Variants in SGPP2 observed in about 807,000 individuals in gnomAD.
SGPP2 encodes the protein sphingosine-1-phosphate phosphatase 2.
SGPP2 carries 30 observed loss-of-function variants against 33.9 expected under a neutral mutation model. That is an observed-to-expected ratio of 0.89 (90% CI 0.66 to 1.20). SGPP2 has a LOEUF of 1.20. Ranked by LOEUF, SGPP2 falls within the 50% of genes most tolerant of loss-of-function variation. SGPP2 has a pLI of 0.00. For missense variants in SGPP2, 458 were observed against 532.1 expected (o/e 0.86, Z 1.37); for synonymous variants, 233 against 225.0 (o/e 1.04, Z -0.32).
At chr2:222,506,975 G>A (rs1698454540) in intron 2 of SGPP2, among the ~76,000 whole-genome samples, 1 of 152,078 alleles carries the variant, frequency 6.6e-6, no homozygotes. Context: ...AAAAAGACTT[G>A]GGCAGAGTGA....
rs1020227030 is a variant in SGPP2, at chr2:222,427,200, G to A, written c.219+2379G>A. Among the ~76,000 whole-genome samples the A allele has an allele frequency of 8.5e-5, 13 of 152,198 alleles. No individual in the cohort carries two copies. The East Asian group carries it at 1.3e-3, about 16-fold the overall frequency. On this transcript the variant is annotated intron_variant, in intron 1 of 4. Transcript: ENST00000321276. ...TTATTTTTTTCTCATAGCCTGGCAC[G>A]TAGGAGGGACTAGTGACTTTTGTGA...
At chr2:222,543,846 C>T (rs563917776) in intron 4 of SGPP2, among the ~76,000 whole-genome samples, 123 of 152,250 alleles carry the variant, frequency 8.1e-4, no homozygotes, top group African/African-American at 2.7e-3. Flanking sequence ...TATAAATTTT[C>T]GAATCGGCTT....
At chr2:222,553,008 G>A (rs1689323800) in intron 4 of SGPP2, among the ~76,000 whole-genome samples, 1 of 152,174 alleles carries the variant, frequency 6.6e-6, no homozygotes, top group Admixed American at 6.5e-5. Context: ...TACGTGTTAG[G>A]CACTAGGCTA....
chr2:222,444,750 A>G (rs954135622), intron 1 of SGPP2, among the ~76,000 whole-genome samples: 1 of 152,234 alleles, frequency 6.6e-6, no homozygotes, highest in Admixed American at 6.5e-5. Context: ...AGGATTTGAA[A>G]CTTATCAAGG....
chr2:222,549,379 TTAA>T (rs1397422559), intron 4 of SGPP2, among the ~76,000 whole-genome samples: 1 of 152,232 alleles, frequency 6.6e-6, no homozygotes, highest in African/African-American at 2.4e-5. Flanking sequence ...AGGGTCAGAA[TTAA>T]TAAATGCTGG....
At chr2:222,497,583 C>T (rs1220710505) in intron 2 of SGPP2, among the ~76,000 whole-genome samples, 1 of 152,148 alleles carries the variant, frequency 6.6e-6, no homozygotes, top group African/African-American at 2.4e-5. Flanking sequence ...TGAGCAACAA[C>T]CTTTAAATGT....
intron 2 of SGPP2, among the ~76,000 whole-genome samples, chr2:222,497,645 GT>G (rs1698302702): frequency 6.6e-6 from 1 of 152,202 alleles, no homozygotes; most frequent in East Asian, 1.9e-4. Flanking sequence ...GGCCTACTAT[GT>G]GCTAAGTGGT....
intron 2 of SGPP2, among the ~76,000 whole-genome samples, chr2:222,511,309 T>C (rs1184475408): frequency 6.6e-6 from 1 of 152,152 alleles, no homozygotes; most frequent in African/African-American, 2.4e-5. Context: ...CAGATTTTCT[T>C]TCTATCTATA....
chr2:222,427,540 A>G (rs1337185310), intron 1 of SGPP2, among the ~76,000 whole-genome samples: 2 of 152,128 alleles, frequency 1.3e-5, no homozygotes, highest in African/African-American at 4.8e-5. Flanking sequence ...AGCCTTGCAA[A>G]GTGCTGAAAT....
At chr2:222,483,617 G>A (rs913917431) in intron 2 of SGPP2, among the ~76,000 whole-genome samples, 2 of 152,136 alleles carry the variant, frequency 1.3e-5, no homozygotes, top group African/African-American at 4.8e-5. Context: ...AGAGGTAAAC[G>A]TTTTGTGATA....
At position 222,460,175 on chromosome 2, in the gene SGPP2, G is replaced by T. The variant is rs1697637867; in HGVS notation, c.220-14393G>T. Among the ~76,000 whole-genome samples the T allele has an allele frequency of 6.6e-6, 1 of 152,140 alleles. No individual in the cohort carries two copies. Among genetic ancestry groups the T allele is most frequent in the Non-Finnish European group, 1.5e-5 (1 of 68,028 alleles). On this transcript the variant is annotated intron_variant, in intron 1 of 4. Coordinates refer to ENST00000321276, the MANE Select transcript of SGPP2 (RefSeq NM_152386.4). The surrounding 1 kb of genome is among the most constrained non-coding windows in gnomAD (Gnocchi z 4.3). ...ACAGAAGAAGGACTCACTTTCTCTG[G>T]GTTTTATCACGTTGTTTTTGTTCCT...
chr2:222,480,942 G>A (rs891515625), intron 2 of SGPP2, among the ~76,000 whole-genome samples: 1 of 152,198 alleles, frequency 6.6e-6, no homozygotes. Flanking sequence ...CATGTCCTTT[G>A]CCAGTACATG....
At chr2:222,514,493 C>T (rs1698575152) in intron 2 of SGPP2, among the ~76,000 whole-genome samples, 1 of 152,254 alleles carries the variant, frequency 6.6e-6, no homozygotes, top group South Asian at 2.1e-4. Flanking sequence ...CCACTCACTA[C>T]ACCTGGCTAG....
chr2:222,449,708 C>T (rs1318417369), intron 1 of SGPP2, among the ~76,000 whole-genome samples: 2 of 152,154 alleles, frequency 1.3e-5, no homozygotes, highest in Non-Finnish European at 2.9e-5. Flanking sequence ...TGTGGGAATG[C>T]ACACTGCTGC....
At position 222,547,893 on chromosome 2, in the gene SGPP2, G is replaced by T. The variant is rs558342570; in HGVS notation, c.649-10454G>T. Among the ~76,000 whole-genome samples, 77 of 152,208 alleles carry T rather than the reference G, an allele frequency of 5.1e-4. 1 individual carries two copies. Among genetic ancestry groups the T allele is most frequent in the East Asian group, 1.2e-3 (6 of 5,182 alleles). On this transcript the variant is annotated intron_variant, in intron 4 of 4. Transcript: ENST00000321276. The stretch of plus-strand genomic sequence containing the variant: ...AAATATAAAATGAATATGTGTGAAA[G>T]ATTTTATTAAATTCATTAATTAATG...
At chr2:222,538,700 G>C (rs943767887) in intron 4 of SGPP2, among the ~76,000 whole-genome samples, 1 of 152,154 alleles carries the variant, frequency 6.6e-6, no homozygotes, top group Admixed American at 6.5e-5. Flanking sequence ...GAAACTTACA[G>C]TCATAGTGGA....
intron 4 of SGPP2, among the ~76,000 whole-genome samples, chr2:222,556,915 C>T (rs1689421590): frequency 6.7e-6 from 1 of 150,192 alleles, no homozygotes; most frequent in African/African-American, 2.5e-5. Flanking sequence ...CACTCTTACT[C>T]CTTCCCTATC....
intron 1 of SGPP2, among the ~76,000 whole-genome samples, chr2:222,467,048 A>G (rs945974125): frequency 2.0e-5 from 3 of 152,170 alleles, no homozygotes; most frequent in Non-Finnish European, 4.4e-5. Flanking sequence ...CAGTTGAGAT[A>G]ACCTCTAATA....
At chr2:222,538,334 TGAGAGAAAGG>T (rs1698943824) in intron 4 of SGPP2, among the ~76,000 whole-genome samples, 4 of 152,146 alleles carry the variant, frequency 2.6e-5, no homozygotes, top group Admixed American at 6.5e-5. Context: ...CTCCTGCATA[TGAGAGAAAGG>T]GAGAGGAAGA....
Sources: gnomAD v4.1 joint callset for allele counts (sites outside exome capture counted in the v4.1 genomes callset) on GRCh38, gnomAD v4.1.1 for gene constraint, Gnocchi (gnomAD v3.1) non-coding constraint, MANE v1.5 for transcripts, NCBI Gene and HGNC (gene_info 2026-07-23, HGNC 2026-07-21) for gene names.